ADAT2: variants seen among roughly 807,000 people sequenced by gnomAD.
ADAT2 encodes the protein adenosine deaminase tRNA specific 2.
In ADAT2, 26 loss-of-function variants were observed where a neutral mutation model predicts 25.9. The ratio of observed to expected loss-of-function variants is 1.00; its 90% CI spans 0.74 to 1.39. The LOEUF is 1.39. Ranked by LOEUF, ADAT2 falls within the 40% of genes most tolerant of loss-of-function variation. The pLI, the probability that ADAT2 is intolerant of heterozygous loss-of-function variation, is 0.00. For synonymous variants in ADAT2, 76 were observed against 86.8 expected, an observed-to-expected ratio of 0.88 and a Z score of 0.69; for missense variants, 220 against 244.8, an observed-to-expected ratio of 0.90 and a Z score of 0.68.
In ADAT2 at chr6:143,432,374, G is replaced by A. The variant is rs1779140714; in HGVS notation, c.459+131C>T. On this transcript the variant is annotated intron_variant, in intron 4 of 5. Transcript: ENST00000237283. The surrounding 1 kb of genome is among the most constrained non-coding windows in gnomAD (Gnocchi z 4.4). Reference sequence around the variant, plus strand: ...TGAGGCATAAATGAACTCCACCAGAGGCCCTGAGATCAAAGATGTCTGATT... The same window carrying A: ...TGAGGCATAAATGAACTCCACCAGAAGCCCTGAGATCAAAGATGTCTGATT... The A allele has an allele frequency of 1.0e-5, 8 of 797,398 alleles. No homozygotes were observed. In the South Asian group the frequency reaches 1.4e-4, roughly 14 times the overall value. The allele number at this position is 797,398 out of a possible 1,614,324, so 49.4% of individuals were successfully genotyped here.
At position 143,428,723 on chromosome 6, in the gene ADAT2, T is replaced by A. The variant is rs1396448637; in HGVS notation, c.460-39A>T. On this transcript the variant is annotated intron_variant, in intron 4 of 5. Coordinates refer to ENST00000237283, the MANE Select transcript of ADAT2 (RefSeq NM_182503.3). The surrounding 1 kb of genome is among the most constrained non-coding windows in gnomAD (Gnocchi z 5.0). Reference sequence around the variant, plus strand: ...AAAGTTGAGAATAAACATAGGCCTATGAAAATGTGTGCTGTATCCCATAAA... The same window carrying A: ...AAAGTTGAGAATAAACATAGGCCTAAGAAAATGTGTGCTGTATCCCATAAA... 1 of 1,574,756 alleles carries A rather than the reference T, an allele frequency of 6.4e-7. No individual in the cohort carries two copies. The highest frequency in any genetic ancestry group is 1.3e-5 in the African/African-American group (1 of 74,154).
At chr6:143,431,052 G>A (rs9496629) in intron 4 of ADAT2, among the ~76,000 whole-genome samples, 34,954 of 151,678 alleles carry the variant, frequency 0.23, 4,536 homozygotes, top group Non-Finnish European at 0.3. Flanking sequence ...AAGCCCAGAC[G>A]AATTAAAAAA....
In ADAT2 at chr6:143,442,353, T is replaced by C. The variant is rs575393229; in HGVS notation, c.97-3659A>G. Among the ~76,000 whole-genome samples, 124 of 151,842 alleles carry C rather than the reference T, an allele frequency of 8.2e-4. No individual in the cohort carries two copies. The highest frequency in any genetic ancestry group is 2.8e-3 in the African/African-American group (116 of 41,368). On this transcript the variant is annotated intron_variant, in intron 1 of 5. Coordinates refer to ENST00000237283, the MANE Select transcript of ADAT2 (RefSeq NM_182503.3). The surrounding 1 kb of genome is among the most constrained non-coding windows in gnomAD (Gnocchi z 4.6). ...ATAGCATTTTTGAATTATAAAATTATAGACAGAGAACAGATTAGAAGCTGC... is the reference window on the plus strand; with the variant it reads ...ATAGCATTTTTGAATTATAAAATTACAGACAGAGAACAGATTAGAAGCTGC...
In ADAT2 at chr6:143,436,634, A is replaced by C. The variant is rs1011848482; in HGVS notation, c.201+1956T>G. ...AGCAACATGAATGACCTGGTATCAG[A>C]GTACCAACAGTATCAGGATGCCACT... On this transcript the variant is annotated intron_variant, in intron 2 of 5. Coordinates refer to ENST00000237283, the MANE Select transcript of ADAT2 (RefSeq NM_182503.3). The surrounding 1 kb of genome is among the most constrained non-coding windows in gnomAD (Gnocchi z 4.1). The C allele has an allele frequency of 3.6e-5, 14 of 384,052 alleles. No homozygotes were observed. The highest frequency in any genetic ancestry group is 2.0e-4 in the Admixed American group (8 of 39,336). The allele number at this position is 384,052 out of a possible 1,614,324, so 23.8% of individuals were successfully genotyped here. A position where few individuals can be genotyped will look rare whatever the true frequency, so the allele number is the denominator to read the frequency against.
rs993511339 is a variant in ADAT2 at position 143,444,370 on chromosome 6, C to G, written c.97-5676G>C. Among the ~76,000 whole-genome samples the G allele has an allele frequency of 2.6e-5, 4 of 151,986 alleles. No individual in the cohort carries two copies. The East Asian group carries it at 7.8e-4, about 29-fold the overall frequency. On this transcript the variant is annotated intron_variant, in intron 1 of 5. Coordinates refer to ENST00000237283, the MANE Select transcript of ADAT2 (RefSeq NM_182503.3). This position sits in a 1 kb window ranked among gnomAD's most constrained non-coding sequence, Gnocchi z 4.3. ...AGGGGAGGGGGCGGTGAGAATAACA[C>G]AAAGCCCCATGGAAGTGAGTTGAGG...
chr6:143,427,118 C>CACACACACACAA lies in ADAT2; in HGVS notation c.*1344_*1345insTTGTGTGTGTGT. The CACACACACACAA allele has an allele frequency of 6.6e-6, 1 of 152,524 alleles. No homozygotes were observed. Among genetic ancestry groups the CACACACACACAA allele is most frequent in the African/African-American group, 2.4e-5 (1 of 41,372 alleles). The allele number at this position is 152,524 out of a possible 1,614,324, so 9.4% of individuals were successfully genotyped here. ...TTAAACACACACACACACACACACA[C>CACACACACACAA]ACACACACACACACACAAAACCAAG... On this transcript the variant is annotated 3_prime_UTR_variant, in exon 6 of 6. Transcript: ENST00000237283.
In ADAT2 at chr6:143,428,619, A is replaced by G. The variant is rs560202453; in HGVS notation, c.525T>C (p.Asn175=). 53 of 1,613,848 alleles carry G rather than the reference A, an allele frequency of 3.3e-5. No individual in the cohort carries two copies. Among genetic ancestry groups the G allele is most frequent in the Non-Finnish European group, 4.3e-5 (51 of 1,179,970 alleles). ...CCACAACAGAAAACTGACCATTTGG[A>G]TTTTCTTGTTTGTAGAAGGTCTTTA... ...EMLKTFYKQE[N]PNAPKSKVRK... The change falls in exon 5 of 6, where the codon AAT becomes AAC. Residue 175 remains asparagine, a synonymous_variant. Coordinates refer to ENST00000237283, the MANE Select transcript of ADAT2 (RefSeq NM_182503.3). The surrounding 1 kb of genome is among the most constrained non-coding windows in gnomAD (Gnocchi z 5.0).
chr6:143,441,216 A>T (rs938623485), intron 1 of ADAT2, among the ~76,000 whole-genome samples: 5 of 152,226 alleles, frequency 3.3e-5, no homozygotes, highest in Admixed American at 2.6e-4. Context: ...TAGGAAACTA[A>T]TACATGCAGC....
intron 1 of ADAT2, among the ~76,000 whole-genome samples, chr6:143,443,497 C>A (rs542488315): frequency 6.6e-6 from 1 of 152,110 alleles, no homozygotes; most frequent in Admixed American, 6.5e-5. Context: ...TGCCACTACA[C>A]TCCAGCCTGG....
chr6:143,441,654 TC>T (rs1562643120), intron 1 of ADAT2: 1 of 152,076 alleles, frequency 6.6e-6, no homozygotes, highest in Non-Finnish European at 1.5e-5. Context: ...GATCCAAACT[TC>T]CCACCAGGCC....
chr6:143,423,350 C>T lies in ADAT2; in HGVS notation c.*5113G>A, dbSNP rs1409835128. 2.0e-5 allele frequency: 3 copies of T among 152,082 alleles called. No individual in the cohort carries two copies. The highest frequency in any genetic ancestry group is 7.2e-5 in the African/African-American group (3 of 41,412). 9.4% of individuals were successfully genotyped at this position (152,082 alleles called of 1,614,324 possible). ...TCATGGGTCACTAAATATTATCCTT[C>T]TTTTGATTTTTTTTCAATCACTCAG... On this transcript the variant is annotated 3_prime_UTR_variant, in exon 6 of 6. Transcript: ENST00000237283.
At position 143,432,407 on chromosome 6, in the gene ADAT2, C is replaced by T. The variant is rs570178217; in HGVS notation, c.459+98G>A. ...GATCAAAGATGTCTGATTCTATCATCGTTTCTTCGTATACTGGCCACACAC... is the reference window on the plus strand; with the variant it reads ...GATCAAAGATGTCTGATTCTATCATTGTTTCTTCGTATACTGGCCACACAC... On this transcript the variant is annotated intron_variant, in intron 4 of 5. Coordinates refer to ENST00000237283, the MANE Select transcript of ADAT2 (RefSeq NM_182503.3). This position sits in a 1 kb window ranked among gnomAD's most constrained non-coding sequence, Gnocchi z 4.4. The T allele has an allele frequency of 4.5e-4, 491 of 1,089,314 alleles. 1 individual carries two copies. The highest frequency in any genetic ancestry group is 5.8e-4 in the Non-Finnish European group (422 of 728,732). 67.5% of individuals were successfully genotyped at this position (1,089,314 alleles called of 1,614,324 possible).
At position 143,427,448 on chromosome 6, in the gene ADAT2, T is replaced by C. The variant is rs898303353; in HGVS notation, c.*1015A>G. On this transcript the variant is annotated 3_prime_UTR_variant, in exon 6 of 6. Transcript: ENST00000237283. Reference sequence around the variant, plus strand: ...CCCAGAGGGCTGTGCAAAGCTGCCCTGTAGTCATGGAGGTGAACTGGGGAC... The same window carrying C: ...CCCAGAGGGCTGTGCAAAGCTGCCCCGTAGTCATGGAGGTGAACTGGGGAC... The C allele has an allele frequency of 6.6e-6, 1 of 152,302 alleles. No homozygotes were observed. The highest frequency in any genetic ancestry group is 2.4e-5 in the African/African-American group (1 of 41,474). 9.4% of individuals were successfully genotyped at this position (152,302 alleles called of 1,614,324 possible).
intron 2 of ADAT2, among the ~76,000 whole-genome samples, chr6:143,435,446 G>A (rs972602513): frequency 4.6e-5 from 7 of 152,186 alleles, no homozygotes; most frequent in African/African-American, 1.7e-4. Flanking sequence ...TTTCTATGCT[G>A]TAGTTATAGA....
At chr6:143,435,047 C>T (rs1583977989) in intron 2 of ADAT2, among the ~76,000 whole-genome samples, 3 of 151,546 alleles carry the variant, frequency 2.0e-5, no homozygotes, top group East Asian at 1.9e-4. Flanking sequence ...GGGAGCAGAG[C>T]TGGCCAAGGG....
intron 1 of ADAT2, among the ~76,000 whole-genome samples, chr6:143,439,232 A>T (rs192027942): frequency 2.2e-4 from 33 of 152,210 alleles, no homozygotes; most frequent in Non-Finnish European, 4.3e-4. Context: ...CTCTATGTAA[A>T]ATGGCACAAT....
chr6:143,440,782 T>C lies in ADAT2; in HGVS notation c.97-2088A>G, dbSNP rs1224402648. ...GAAATGCTAACTACCAGTGTAGCTATGGCAATTATTATACTAAGAATTTTA... is the reference window on the plus strand; with the variant it reads ...GAAATGCTAACTACCAGTGTAGCTACGGCAATTATTATACTAAGAATTTTA... On this transcript the variant is annotated intron_variant, in intron 1 of 5. Transcript: ENST00000237283. The surrounding 1 kb of genome is among the most constrained non-coding windows in gnomAD (Gnocchi z 4.5). Among the ~76,000 whole-genome samples, 2 of 152,212 alleles carry C rather than the reference T, an allele frequency of 1.3e-5. No individual in the cohort carries two copies. Among genetic ancestry groups the C allele is most frequent in the East Asian group, 3.9e-4 (2 of 5,190 alleles).
intron 3 of ADAT2, among the ~76,000 whole-genome samples, chr6:143,433,092 C>T (rs1779164346): frequency 6.6e-6 from 1 of 152,210 alleles, no homozygotes; most frequent in Non-Finnish European, 1.5e-5. Context: ...TTGCCTATAA[C>T]AACCCTTTTA....
Position 143,425,733 on chromosome 6 carries a change from T to TGTGTGTGTGTG in ADAT2, c.*2729_*2730insCACACACACAC, listed in dbSNP as rs1778912429. ...GGTAAAGGGCCATGGTGTGTTGTGT[T>TGTGTGTGTGTG]TGTGTGTGTGTGTGTGTGTGTGTGT... On this transcript the variant is annotated 3_prime_UTR_variant, in exon 6 of 6. Transcript: ENST00000237283. 26 of 136,586 alleles carry TGTGTGTGTGTG rather than the reference T, an allele frequency of 1.9e-4. No homozygotes were observed. Among genetic ancestry groups the TGTGTGTGTGTG allele is most frequent in the Admixed American group, 5.2e-4 (7 of 13,572 alleles). The allele number at this position is 136,586 out of a possible 1,614,324, so 8.5% of individuals were successfully genotyped here.
Sources: allele counts gnomAD v4.1 joint callset (sites outside exome capture counted in the v4.1 genomes callset), GRCh38; gene constraint gnomAD v4.1.1; non-coding constraint Gnocchi (gnomAD v3.1); transcripts MANE v1.5; gene names NCBI Gene and HGNC (gene_info 2026-07-23, HGNC 2026-07-21).